The following ZNF385D variants were observed in gnomAD, a reference collection of about 807,000 sequenced individuals.
The protein encoded by ZNF385D is zinc finger protein 385D.
A neutral mutation model predicts 35.8 loss-of-function variants in ZNF385D; 15 were observed. The ratio of observed to expected loss-of-function variants is 0.42; its 90% CI spans 0.28 to 0.64. The LOEUF (loss-of-function observed/expected upper bound fraction) is 0.64, where lower values mean the gene tolerates loss of function less well. Ranked by LOEUF, ZNF385D falls within the 30% of genes least tolerant of loss-of-function variation. The pLI, the probability that ZNF385D is intolerant of heterozygous loss-of-function variation, is 0.23. For missense variants in ZNF385D, 474 were observed against 494.6 expected (o/e 0.96, Z 0.39); for synonymous variants, 212 against 186.8 (o/e 1.13, Z -1.10).
chr3:21,685,164 T>C (rs532776225), intron 1 of ZNF385D, among the ~76,000 whole-genome samples: 1 of 152,326 alleles, frequency 6.6e-6, no homozygotes, highest in African/African-American at 2.4e-5. Context: ...CAATTTCCTT[T>C]CTATTTTGTC....
chr3:21,900,593 A>T (rs1357745511), intron 3 of ZNF385D, among the ~76,000 whole-genome samples: 3 of 152,182 alleles, frequency 2.0e-5, no homozygotes, highest in Non-Finnish European at 2.9e-5. Context: ...CAATAGATAC[A>T]TGGGGCCAGA....
intron 3 of ZNF385D, among the ~76,000 whole-genome samples, chr3:21,530,155 T>C (rs2061890254): frequency 1.3e-5 from 2 of 152,192 alleles, no homozygotes; most frequent in Non-Finnish European, 2.9e-5. Flanking sequence ...CCTTTCACCA[T>C]GACTGCAAAC....
At chr3:21,891,346 T>G (rs886845713) in intron 3 of ZNF385D, among the ~76,000 whole-genome samples, 14 of 152,118 alleles carry the variant, frequency 9.2e-5, no homozygotes, top group Middle Eastern at 3.2e-3. Context: ...AAAAATACAT[T>G]TTGATACCTT....
chr3:21,890,048 A>G (rs1698768798), intron 3 of ZNF385D, among the ~76,000 whole-genome samples: 1 of 152,084 alleles, frequency 6.6e-6, no homozygotes, highest in Non-Finnish European at 1.5e-5. Flanking sequence ...CTTGATTACC[A>G]CTTTAAATAC....
At chr3:22,330,797 T>C (rs1389842365) in intron 2 of ZNF385D, among the ~76,000 whole-genome samples, 2 of 152,226 alleles carry the variant, frequency 1.3e-5, no homozygotes, top group Non-Finnish European at 2.9e-5. Context: ...ATCAAAGGCT[T>C]GCTTTAGGCA....
chr3:22,255,203 A>G (rs1700253075), intron 2 of ZNF385D, among the ~76,000 whole-genome samples: 1 of 151,738 alleles, frequency 6.6e-6, no homozygotes, highest in South Asian at 2.1e-4. Flanking sequence ...AAAAGAAAAG[A>G]AAAAAACTTT....
chr3:22,237,709 T>A (rs975328349), intron 2 of ZNF385D, among the ~76,000 whole-genome samples: 11 of 152,268 alleles, frequency 7.2e-5, no homozygotes, highest in African/African-American at 2.4e-4. Context: ...AGTGGCACGA[T>A]CTCAGCTCAC....
intron 3 of ZNF385D, among the ~76,000 whole-genome samples, chr3:21,786,322 G>A (rs1198680916): frequency 6.6e-6 from 1 of 152,030 alleles, no homozygotes; most frequent in Non-Finnish European, 1.5e-5. Flanking sequence ...AAATGTTTTT[G>A]ACCGTCCCAG....
In ZNF385D at chr3:21,988,475, C is replaced by T. The variant is rs1463345905; in HGVS notation, c.325+180342G>A. 6.4e-5 allele frequency among the ~76,000 whole-genome samples: 9 copies of T among 139,828 alleles called. No individual in the cohort carries two copies. The East Asian group carries it at 1.9e-3, about 30-fold the overall frequency. 91.7% of individuals were successfully genotyped at this position (139,828 alleles called of 152,430 possible). A position where few individuals can be genotyped will look rare whatever the true frequency, so the allele number is the denominator to read the frequency against. On this transcript the variant is annotated intron_variant, in intron 3 of 5. Transcript: ENST00000494108. ...TGCTGGGGGGTGCCTCCCAGTTAGG[C>T]TGCTCGGGGGTCAGGGGTCAGGGAC...
intron 3 of ZNF385D, among the ~76,000 whole-genome samples, chr3:21,863,363 T>G (rs1289896217): frequency 6.6e-6 from 1 of 152,174 alleles, no homozygotes; most frequent in African/African-American, 2.4e-5. Context: ...TATTTTCTCT[T>G]TTTCTGAGCC....
intron 2 of ZNF385D, among the ~76,000 whole-genome samples, chr3:22,218,065 G>C (rs1227730341): frequency 1.3e-5 from 2 of 152,030 alleles, no homozygotes; most frequent in East Asian, 3.9e-4. Flanking sequence ...AGTTAAGAGT[G>C]TCTTGACTTA....
At chr3:21,997,913 AAGAG>A (rs1433418133) in intron 3 of ZNF385D, among the ~76,000 whole-genome samples, 4 of 140,626 alleles carry the variant, frequency 2.8e-5, no homozygotes, top group African/African-American at 5.3e-5. Context: ...GTGTGACAGA[AAGAG>A]AGAGAGAGAA....
rs1477921465 is a variant in ZNF385D, at chr3:21,511,213, G to C, written c.277-190C>G. Among the ~76,000 whole-genome samples, 4 of 152,090 alleles carry C rather than the reference G, an allele frequency of 2.6e-5. No individual in the cohort carries two copies. In the East Asian group the frequency reaches 7.7e-4, roughly 29 times the overall value. On this transcript the variant is annotated intron_variant, in intron 3 of 7. Transcript: ENST00000281523. The stretch of plus-strand genomic sequence containing the variant: ...TGGGAATCCAGTTGTAAAACCTCAG[G>C]ATAGAAGGAAGAAATACTCTGTTGT...
At position 21,688,484 on chromosome 3, in the gene ZNF385D, A is replaced by G. The variant is rs1227016985; in HGVS notation, c.23-23456T>C. On this transcript the variant is annotated intron_variant, in intron 1 of 7. Transcript: ENST00000281523. ...AAAGATCATGAATACTATGAGACAC[A>G]TAATGACATTATTCATTAATTATCT... 2.0e-5 allele frequency among the ~76,000 whole-genome samples: 3 copies of G among 152,188 alleles called. No homozygotes were observed. The East Asian group carries it at 5.8e-4, about 29-fold the overall frequency.
At chr3:21,544,558 AAATT>A (rs1361624875) in intron 3 of ZNF385D, among the ~76,000 whole-genome samples, 2 of 152,196 alleles carry the variant, frequency 1.3e-5, no homozygotes, top group Non-Finnish European at 2.9e-5. Flanking sequence ...AAAATTCTGG[AAATT>A]AATCTTGAAA....
At chr3:21,654,915 G>T (rs116419881) in intron 2 of ZNF385D, among the ~76,000 whole-genome samples, 2 of 152,122 alleles carry the variant, frequency 1.3e-5, no homozygotes, top group South Asian at 4.1e-4. Context: ...AAGAGTAATT[G>T]TTCTTTACAT....
rs1418458072 is a variant in ZNF385D, at chr3:21,684,402, CTCCT to C, written c.23-19378_23-19375del. On this transcript the variant is annotated intron_variant, in intron 1 of 7. Coordinates refer to ENST00000281523, the MANE Select transcript of ZNF385D (RefSeq NM_024697.3). ...TCTCTCTCTCTCTCTCTCTCTCTCT[CTCCT>C]CTCTCTCTCTCTCTCTCTCTCTCTC... 6.5e-4 allele frequency among the ~76,000 whole-genome samples: 49 copies of C among 75,552 alleles called. 1 individual carries two copies. Among genetic ancestry groups the C allele is most frequent in the African/African-American group, 3.1e-3 (44 of 13,970 alleles). 49.6% of individuals were successfully genotyped at this position (75,552 alleles called of 152,430 possible).
intron 2 of ZNF385D, among the ~76,000 whole-genome samples, chr3:22,335,178 A>G (rs551779975): frequency 3.9e-5 from 6 of 152,256 alleles, no homozygotes; most frequent in East Asian, 3.9e-4. Context: ...TGATGCTGTT[A>G]TAAGTTCGGC....
chr3:22,162,163 A>G (rs1206709589), intron 3 of ZNF385D, among the ~76,000 whole-genome samples: 5 of 152,160 alleles, frequency 3.3e-5, no homozygotes, highest in Non-Finnish European at 5.9e-5. Context: ...AAAGTATTAA[A>G]TCGTGTTGCA....
Sources: allele counts gnomAD v4.1 joint callset (sites outside exome capture counted in the v4.1 genomes callset), GRCh38; gene constraint gnomAD v4.1.1; transcripts MANE v1.5; gene names NCBI Gene and HGNC (gene_info 2026-07-23, HGNC 2026-07-21).